NOL4: variants seen among roughly 807,000 people sequenced by gnomAD.
NOL4 encodes the protein nucleolar protein 4, also known as cancer/testis antigen 125.
Under a neutral mutation model 75.9 loss-of-function variants are expected in NOL4, and 17 were observed. The observed-to-expected ratio is 0.22, with a 90% confidence interval of 0.15 to 0.34. The LOEUF is 0.34. Among genes scored for constraint, NOL4 ranks in the 10% least tolerant of loss-of-function variants. The probability of loss-of-function intolerance (pLI) is 1.00; values close to 1 mark genes in which losing one functional copy is unlikely to be tolerated. For synonymous variants in NOL4, 292 were observed against 289.9 expected (o/e 1.01, Z -0.07); for missense variants, 614 against 793.5 (o/e 0.77, Z 2.72).
intron 10 of NOL4, among the ~76,000 whole-genome samples, chr18:33,860,690 G>C (rs1238238253): frequency 6.6e-6 from 1 of 151,934 alleles, no homozygotes; most frequent in Non-Finnish European, 1.5e-5. Context: ...AGTGGTGAGA[G>C]AGGGCATCCC....
chr18:34,091,243 G>T (rs2078507432), intron 5 of NOL4, among the ~76,000 whole-genome samples: 1 of 150,808 alleles, frequency 6.6e-6, no homozygotes, highest in African/African-American at 2.4e-5. Flanking sequence ...TGTGCCTGTA[G>T]CCCCAGCTAC....
intron 1 of NOL4, among the ~76,000 whole-genome samples, chr18:34,134,447 GACACAC>G (rs199707766): frequency 0.27 from 36,309 of 133,988 alleles, 4,854 homozygotes; most frequent in Middle Eastern, 0.35. Flanking sequence ...GACTCCAAGT[GACACAC>G]ACACACACAC....
At chr18:33,958,008 A>T (rs548671189) in intron 7 of NOL4, among the ~76,000 whole-genome samples, 1 of 152,278 alleles carries the variant, frequency 6.6e-6, no homozygotes, top group Middle Eastern at 3.4e-3. Context: ...CTAGGTAAAC[A>T]TGCATACTCA....
rs563964120 is a variant in NOL4, at chr18:34,019,318, C to A, written c.1056G>T (p.Lys352Asn). 1 of 1,612,306 alleles carries A rather than the reference C, an allele frequency of 6.2e-7. No individual in the cohort carries two copies. Among genetic ancestry groups the A allele is most frequent in the Non-Finnish European group, 8.5e-7 (1 of 1,178,746 alleles). ...MEREARENGS[K>N]SPAHSYSSYD... ...TCTGGAAATTGTAATGTGATCATAC[C>A]TTGCTTCCATTTTCTCTCGCCTCTC... Residue 352 changes from lysine (K) to asparagine (N), a missense_variant and splice_region_variant, in exon 6 of 11, where the codon AAG becomes AAT. Around this residue, in one of 9 missense-constraint regions of NOL4, gnomAD observed 196 missense variants for 167.9 expected, o/e 1.17. Transcript: ENST00000261592.
chr18:34,189,541 G>A (rs1384207342), intron 1 of NOL4, among the ~76,000 whole-genome samples: 2 of 152,130 alleles, frequency 1.3e-5, no homozygotes, highest in East Asian at 3.9e-4. Context: ...TCTAGAACAA[G>A]AAATGTATTA....
Position 34,129,954 on chromosome 18 carries a change from T to C in NOL4, c.331A>G (p.Ile111Val). The C allele has an allele frequency of 6.2e-7, 1 of 1,600,316 alleles. No individual in the cohort carries two copies. Among genetic ancestry groups the C allele is most frequent in the Non-Finnish European group, 8.5e-7 (1 of 1,172,698 alleles). Residue 111 changes from isoleucine to valine, a missense_variant, in exon 2 of 11, where the codon ATT becomes GTT. Coordinates refer to ENST00000261592, the MANE Select transcript of NOL4 (RefSeq NM_003787.5). ...RVAVVEDFFD[I>V]IYSMHVETGP... Reference sequence around the variant, plus strand: ...GTTTCCACATGCATCGAATAAATAATGTCAAAGAAATCTTCAACCACAGCT... The same window carrying C: ...GTTTCCACATGCATCGAATAAATAACGTCAAAGAAATCTTCAACCACAGCT...
intron 6 of NOL4, among the ~76,000 whole-genome samples, chr18:34,000,050 T>C (rs1421736681): frequency 6.6e-6 from 1 of 152,102 alleles, no homozygotes; most frequent in East Asian, 1.9e-4. Context: ...AGACAAAAGA[T>C]GAAAACTATT....
intron 10 of NOL4, among the ~76,000 whole-genome samples, chr18:33,866,877 C>G (rs1170851486): frequency 6.6e-6 from 1 of 152,084 alleles, no homozygotes; most frequent in Non-Finnish European, 1.5e-5. Flanking sequence ...TACATGTATA[C>G]ATTTTCAAAT....
At chr18:33,974,273 A>G (rs962155282) in intron 6 of NOL4, among the ~76,000 whole-genome samples, 1 of 152,200 alleles carries the variant, frequency 6.6e-6, no homozygotes, top group Non-Finnish European at 1.5e-5. Flanking sequence ...CAGCATTCAC[A>G]GAATTCAAGA....
chr18:34,127,033 G>GA (rs369203104), intron 2 of NOL4, among the ~76,000 whole-genome samples: 7 of 150,522 alleles, frequency 4.7e-5, no homozygotes, highest in African/African-American at 9.7e-5. Flanking sequence ...AATAATGATT[G>GA]AAAAAAAAAT....
intron 5 of NOL4, among the ~76,000 whole-genome samples, chr18:34,070,331 T>C (rs2077460864): frequency 6.6e-6 from 1 of 152,230 alleles, no homozygotes; most frequent in Admixed American, 6.5e-5. Flanking sequence ...CCTTGCCTTT[T>C]TTACACTATA....
At chr18:33,884,684 T>C in intron 9 of NOL4, among the ~76,000 whole-genome samples, 1 of 152,046 alleles carries the variant, frequency 6.6e-6, no homozygotes, top group East Asian at 1.9e-4. Context: ...GGAGAGTTTT[T>C]TGTCACAATC....
intron 5 of NOL4, among the ~76,000 whole-genome samples, chr18:34,027,653 AT>A (rs2075412649): frequency 6.6e-6 from 1 of 152,108 alleles, no homozygotes; most frequent in African/African-American, 2.4e-5. Flanking sequence ...TTATACACTA[AT>A]TTTTTCATGG....
intron 6 of NOL4, among the ~76,000 whole-genome samples, chr18:33,976,386 T>TG (rs11397613): frequency 0.42 from 64,584 of 152,002 alleles, 14,428 homozygotes; most frequent in African/African-American, 0.52. Context: ...TGAGAGAGTT[T>TG]ACATATATTT....
intron 6 of NOL4, among the ~76,000 whole-genome samples, chr18:34,016,160 A>G (rs566426586): frequency 2.6e-5 from 4 of 152,236 alleles, no homozygotes; most frequent in Admixed American, 1.3e-4. Context: ...TCCTGCAAAT[A>G]CAATGTCAAA....
intron 10 of NOL4, among the ~76,000 whole-genome samples, chr18:33,876,388 T>C (rs189688489): frequency 1.3e-3 from 203 of 152,186 alleles, no homozygotes; most frequent in African/African-American, 4.5e-3. Context: ...TTAAATCATA[T>C]GTAAGGTTAG....
chr18:34,077,512 C>T (rs184061685), intron 5 of NOL4, among the ~76,000 whole-genome samples: 2 of 151,798 alleles, frequency 1.3e-5, no homozygotes, highest in Non-Finnish European at 1.5e-5. Context: ...TATATGTATA[C>T]ATATTTAAAG....
intron 1 of NOL4, among the ~76,000 whole-genome samples, chr18:34,209,290 CTTA>C (rs951117320): frequency 7.3e-5 from 11 of 151,210 alleles, no homozygotes; most frequent in Non-Finnish European, 1.2e-4. Flanking sequence ...TTTGTAAAGG[CTTA>C]TTATGTAGCA....
At chr18:33,915,390 A>G (rs2066653144) in intron 9 of NOL4, among the ~76,000 whole-genome samples, 2 of 151,854 alleles carry the variant, frequency 1.3e-5, no homozygotes. Flanking sequence ...AGGTGTAGAT[A>G]ATATTTTATT....
Sources: allele counts gnomAD v4.1 joint callset (sites outside exome capture counted in the v4.1 genomes callset), GRCh38; gene constraint gnomAD v4.1.1; regional missense constraint gnomAD v4.1.1; transcripts MANE v1.5; gene names NCBI Gene and HGNC (gene_info 2026-07-23, HGNC 2026-07-21).